The following EPS8 variants were observed in gnomAD, a reference collection of about 807,000 sequenced individuals.
The protein encoded by EPS8 is epidermal growth factor receptor kinase substrate 8.
A neutral mutation model predicts 103.8 loss-of-function variants in EPS8; 42 were observed. The ratio of observed to expected loss-of-function variants is 0.40; its 90% CI spans 0.32 to 0.52. EPS8 has a LOEUF of 0.52. Among genes scored for constraint, EPS8 ranks in the 20% least tolerant of loss-of-function variants. The pLI is 0.40. For synonymous variants in EPS8, 344 were observed against 344.6 expected, an observed-to-expected ratio of 1.00 and a Z score of 0.02; for missense variants, 969 against 1,005.1, an observed-to-expected ratio of 0.96 and a Z score of 0.49.
At chr12:15,705,215 A>G (rs1946368568) in intron 1 of EPS8, among the ~76,000 whole-genome samples, 1 of 152,162 alleles carries the variant, frequency 6.6e-6, no homozygotes. Flanking sequence ...CCTTAGTCAA[A>G]CAGAGTAGGA....
intron 1 of EPS8, among the ~76,000 whole-genome samples, chr12:15,773,661 C>T (rs1947177976): frequency 6.6e-6 from 1 of 152,076 alleles, no homozygotes; most frequent in African/African-American, 2.4e-5. Context: ...ACAAGTCTAG[C>T]TGACATAGTC....
chr12:15,759,747 A>G lies in EPS8; in HGVS notation c.-22+29414T>C, dbSNP rs547115438. Reference sequence around the variant, plus strand: ...GGTCAATGAAGAAACTAAGAAGGAAATTGAAGAATTTCTTGAAACAAATGA... The same window carrying G: ...GGTCAATGAAGAAACTAAGAAGGAAGTTGAAGAATTTCTTGAAACAAATGA... On this transcript the variant is annotated intron_variant, in intron 1 of 20. Transcript: ENST00000281172. This position sits in a 1 kb window ranked among gnomAD's most constrained non-coding sequence, Gnocchi z 4.9. 1.3e-5 allele frequency among the ~76,000 whole-genome samples: 2 copies of G among 152,090 alleles called. No homozygotes were observed. Among genetic ancestry groups the G allele is most frequent in the Non-Finnish European group, 2.9e-5 (2 of 67,948 alleles).
rs551857894 is a variant in EPS8 at position 15,780,032 on chromosome 12, A to T, written c.-22+9129T>A. On this transcript the variant is annotated intron_variant, in intron 1 of 20. Coordinates refer to ENST00000281172, the MANE Select transcript of EPS8 (RefSeq NM_004447.6). This position sits in a 1 kb window ranked among gnomAD's most constrained non-coding sequence, Gnocchi z 4.1. ...ATGCAAGTTCTCTTTCTTAAATTCC[A>T]TATAATCACTTGAGTATCACAGGAC... is the stretch of plus-strand genomic sequence containing the variant. The T allele has an allele frequency of 6.6e-6, 1 of 152,226 alleles. No individual in the cohort carries two copies. The highest frequency in any genetic ancestry group is 1.5e-5 in the Non-Finnish European group (1 of 68,038). 9.4% of individuals were successfully genotyped at this position (152,226 alleles called of 1,614,324 possible). A position where few individuals can be genotyped will look rare whatever the true frequency, so the allele number is the denominator to read the frequency against.
intron 1 of EPS8, among the ~76,000 whole-genome samples, chr12:15,689,346 C>G (rs1415203971): frequency 1.3e-5 from 1 of 74,868 alleles, no homozygotes; most frequent in Non-Finnish European, 4.2e-5. Flanking sequence ...TGCTAAATAT[C>G]CTTTTTCCAT....
intron 1 of EPS8, among the ~76,000 whole-genome samples, chr12:15,709,605 G>A (rs928379081): frequency 1.3e-5 from 2 of 152,220 alleles, no homozygotes; most frequent in East Asian, 1.9e-4. Flanking sequence ...TTATGAATGG[G>A]CAAAGGGAGC....
intron 1 of EPS8, chr12:15,732,801 CTT>C: frequency 1.0e-6 from 1 of 971,900 alleles, no homozygotes; most frequent in East Asian, 1.1e-4. Flanking sequence ...GAATAAAACT[CTT>C]GAGCTAGCGC....
intron 15 of EPS8, among the ~76,000 whole-genome samples, chr12:15,642,767 T>A (rs1211303906): frequency 6.6e-6 from 1 of 152,220 alleles, no homozygotes; most frequent in African/African-American, 2.4e-5. Context: ...CCATTCTTTT[T>A]GCTGTCTACC....
chr12:15,755,098 G>C (rs1946972162), intron 1 of EPS8, among the ~76,000 whole-genome samples: 1 of 152,170 alleles, frequency 6.6e-6, no homozygotes, highest in African/African-American at 2.4e-5. Flanking sequence ...GCTGAATACA[G>C]ATTACATCTA....
Position 15,760,894 on chromosome 12 carries a change from G to A in EPS8, c.-22+28267C>T, listed in dbSNP as rs1179914016. On this transcript the variant is annotated intron_variant, in intron 1 of 20. Transcript: ENST00000281172. This position sits in a 1 kb window ranked among gnomAD's most constrained non-coding sequence, Gnocchi z 4.5. The stretch of plus-strand genomic sequence containing the variant: ...CCTTTCCTCTAAGATCTGGCACACA[G>A]GAAGTATGCCCACTTTCACCATTAT... Among the ~76,000 whole-genome samples the A allele has an allele frequency of 6.6e-6, 1 of 151,950 alleles. No homozygotes were observed. Among genetic ancestry groups the A allele is most frequent in the Non-Finnish European group, 1.5e-5 (1 of 67,912 alleles).
At chr12:15,737,521 T>C (rs547463511) in intron 1 of EPS8, among the ~76,000 whole-genome samples, 1 of 152,166 alleles carries the variant, frequency 6.6e-6, no homozygotes, top group Admixed American at 6.5e-5. Flanking sequence ...AAGTGCCTAA[T>C]GTATATGAAC....
intron 17 of EPS8, among the ~76,000 whole-genome samples, chr12:15,637,426 G>C (rs1317427212): frequency 6.6e-6 from 1 of 152,234 alleles, no homozygotes; most frequent in African/African-American, 2.4e-5. Flanking sequence ...TCATACAGCT[G>C]TATAAATCTG....
At chr12:15,681,620 C>T (rs1946008901) in intron 2 of EPS8, among the ~76,000 whole-genome samples, 1 of 150,240 alleles carries the variant, frequency 6.7e-6, no homozygotes, top group Admixed American at 6.7e-5. Context: ...ATCCCAGCTA[C>T]TCGGGAGGCT....
intron 1 of EPS8, among the ~76,000 whole-genome samples, chr12:15,708,439 T>G (rs1946417505): frequency 6.6e-6 from 1 of 152,170 alleles, no homozygotes; most frequent in Non-Finnish European, 1.5e-5. Flanking sequence ...GCCTTGCATG[T>G]AAATTATTGG....
rs1443524677 is a variant in EPS8, at chr12:15,693,261, A to G, written c.-21-10289T>C. Among the ~76,000 whole-genome samples the G allele has an allele frequency of 6.6e-6, 1 of 152,234 alleles. No individual in the cohort carries two copies. The highest frequency in any genetic ancestry group is 1.5e-5 in the Non-Finnish European group (1 of 68,038). ...AAAGCTGACTGCCAAAACTTTGGCA[A>G]TAAGTGGAAGAAGTCAGCCAGGGTT... is the stretch of plus-strand genomic sequence containing the variant. On this transcript the variant is annotated intron_variant, in intron 1 of 20. Transcript: ENST00000281172. This position sits in a 1 kb window ranked among gnomAD's most constrained non-coding sequence, Gnocchi z 5.6.
Position 15,733,061 on chromosome 12 carries a change from C to T in EPS8, c.-21-50089G>A, listed in dbSNP as rs1946734686. Reference sequence around the variant, plus strand: ...GGAGATGATTTTACTAGCAGCTGACCAGCATTCCTCTCCCAAAACAGATAC... The same window carrying T: ...GGAGATGATTTTACTAGCAGCTGACTAGCATTCCTCTCCCAAAACAGATAC... On this transcript the variant is annotated intron_variant, in intron 1 of 20. Coordinates refer to ENST00000281172, the MANE Select transcript of EPS8 (RefSeq NM_004447.6). This position sits in a 1 kb window ranked among gnomAD's most constrained non-coding sequence, Gnocchi z 4.8. Among the ~76,000 whole-genome samples, 1 of 152,124 alleles carries T rather than the reference C, an allele frequency of 6.6e-6. No individual in the cohort carries two copies. The highest frequency in any genetic ancestry group is 1.5e-5 in the Non-Finnish European group (1 of 68,026).
At chr12:15,741,744 G>A (rs575082319) in intron 1 of EPS8, among the ~76,000 whole-genome samples, 1 of 151,998 alleles carries the variant, frequency 6.6e-6, no homozygotes, top group East Asian at 1.9e-4. Context: ...TTAAGTTCTA[G>A]GGTACATGTG....
chr12:15,629,260 G>A (rs373721532), intron 18 of EPS8, among the ~76,000 whole-genome samples: 8 of 152,134 alleles, frequency 5.3e-5, no homozygotes, highest in African/African-American at 1.9e-4. Context: ...GTTTCTCAGC[G>A]TGAACAAAGA....
chr12:15,670,981 T>C (rs1451644414), intron 3 of EPS8, 58 bp from the exon 4 acceptor site: 15 of 1,269,492 alleles, frequency 1.2e-5, no homozygotes, highest in East Asian at 7.0e-5. Flanking sequence ...AGTTCATATG[T>C]TGGTATCATG....
At position 15,654,205 on chromosome 12, in the gene EPS8, G is replaced by C; in HGVS notation, c.1190C>G (p.Thr397Ser). The C allele has an allele frequency of 6.2e-7, 1 of 1,613,636 alleles. No individual in the cohort carries two copies. The highest frequency in any genetic ancestry group is 8.5e-7 in the Non-Finnish European group (1 of 1,179,664). ...NKDTIDFLNY[T>S]VNGDERQLWM... is the part of the protein sequence containing the mutation. ...CAGCTGCCGTTCATCACCATTGACA[G>C]TATAATTTAAGAAATCAATTGTGTC... The change falls in exon 13 of 21, where the codon ACT (threonine) becomes AGT (serine). Residue 397 changes from threonine (T) to serine (S), a missense_variant. By Grantham distance (58) the Thr-to-Ser change is moderately conservative. Coordinates refer to ENST00000281172, the MANE Select transcript of EPS8 (RefSeq NM_004447.6).
Sources: allele counts gnomAD v4.1 joint callset (sites outside exome capture counted in the v4.1 genomes callset), GRCh38; gene constraint gnomAD v4.1.1; non-coding constraint Gnocchi (gnomAD v3.1); transcripts MANE v1.5; gene names NCBI Gene and HGNC (gene_info 2026-07-23, HGNC 2026-07-21).